The following UGT2A1 variants were observed in gnomAD, a reference collection of about 807,000 sequenced individuals.
UGT2A1 encodes UDP-glucuronosyltransferase 2A1.
In UGT2A1, 61 loss-of-function variants were observed where a neutral mutation model predicts 45.4. The ratio of observed to expected loss-of-function variants is 1.34; its 90% CI spans 1.09 to 1.66. UGT2A1 has a LOEUF of 1.66. Among genes scored for constraint, UGT2A1 ranks in the 40% most tolerant of loss-of-function variants. The pLI is 0.00. For missense variants in UGT2A1, 649 were observed against 574.3 expected, an observed-to-expected ratio of 1.13 and a Z score of -1.33; for synonymous variants, 229 against 196.2, an observed-to-expected ratio of 1.17 and a Z score of -1.40.
chr4:69,630,170 G>A (rs563287001), intron 3 of UGT2A1, among the ~76,000 whole-genome samples: 6 of 152,076 alleles, frequency 3.9e-5, no homozygotes, highest in African/African-American at 1.4e-4. Context: ...CATTCTTGTA[G>A]ACATTTGTCT....
At chr4:69,617,543 A>G (rs1476841913) in intron 3 of UGT2A1, among the ~76,000 whole-genome samples, 1 of 151,924 alleles carries the variant, frequency 6.6e-6, no homozygotes, top group East Asian at 1.9e-4. Flanking sequence ...GCCATTCTCT[A>G]AGCACTAGTT....
chr4:69,606,874 G>A (rs34810925), intron 3 of UGT2A1, among the ~76,000 whole-genome samples: 24,512 of 134,932 alleles, frequency 0.18, 5,829 homozygotes, highest in Non-Finnish European at 0.22. Context: ...AGGGACGTAA[G>A]GACCTCTTCA....
At chr4:69,645,257 C>T (rs1259646919) in intron 2 of UGT2A1, among the ~76,000 whole-genome samples, 1 of 151,712 alleles carries the variant, frequency 6.6e-6, no homozygotes, top group East Asian at 1.9e-4. Flanking sequence ...CTGGATTTCG[C>T]CAAATATTCC....
At chr4:69,622,675 G>A (rs1720820189) in intron 3 of UGT2A1, among the ~76,000 whole-genome samples, 1 of 151,802 alleles carries the variant, frequency 6.6e-6, no homozygotes, top group Middle Eastern at 3.4e-3. Context: ...ATGCATTGAG[G>A]ATTTCATGTG....
At chr4:69,645,101 C>A (rs765961208) in intron 2 of UGT2A1, among the ~76,000 whole-genome samples, 3 of 151,692 alleles carry the variant, frequency 2.0e-5, no homozygotes, top group Non-Finnish European at 4.4e-5. Context: ...CTAGGCCTTA[C>A]AAGCTCTGCT....
In UGT2A1 at chr4:69,647,801, A is replaced by G. The variant is rs1010676255; in HGVS notation, c.-54-103T>C. 4 of 502,818 alleles carry G rather than the reference A, an allele frequency of 8.0e-6. No individual in the cohort carries two copies. In the Admixed American group the frequency reaches 1.2e-4, roughly 15 times the overall value. The allele number at this position is 502,818 out of a possible 1,614,324, so 31.1% of individuals were successfully genotyped here. On this transcript the variant is annotated intron_variant, in intron 1 of 6. Coordinates refer to ENST00000286604, the MANE Select transcript of UGT2A1 (RefSeq NM_001252275.3). ...TCTAGAAAGTGATACTAGTCATAGTAGCTCCATATTTTAGGATATTTACAG... is the reference window on the plus strand; with the variant it reads ...TCTAGAAAGTGATACTAGTCATAGTGGCTCCATATTTTAGGATATTTACAG...
intron 3 of UGT2A1, among the ~76,000 whole-genome samples, chr4:69,617,362 C>A (rs371596980): frequency 2.0e-5 from 3 of 151,744 alleles, no homozygotes; most frequent in African/African-American, 4.8e-5. Context: ...ATTTTGTTGA[C>A]GGCGTAAAAA....
intron 6 of UGT2A1, among the ~76,000 whole-genome samples, chr4:69,590,053 A>G (rs1159363634): frequency 6.6e-6 from 1 of 152,206 alleles, no homozygotes; most frequent in Non-Finnish European, 1.5e-5. Flanking sequence ...GTGTCTGGCT[A>G]GTTCATATGA....
At position 69,647,497 on chromosome 4, in the gene UGT2A1, C is replaced by T; in HGVS notation, c.148G>A (p.Val50Met). Residue 50 changes from valine (V) to methionine (M), a missense_variant, in exon 2 of 7, where the codon GTG becomes ATG. Coordinates refer to ENST00000286604, the MANE Select transcript of UGT2A1 (RefSeq NM_001252275.3). ...GCACCAGAGGCAACTAGGACAGTCA[C>T]ATTATGCTCCTTTTTAATGAGCTCA... The part of the protein sequence containing the change: ...IDELIKKEHN[V>M]TVLVASGALF... 1.2e-6 allele frequency: 2 copies of T among 1,613,032 alleles called. No individual in the cohort carries two copies. Among genetic ancestry groups the T allele is most frequent in the Non-Finnish European group, 1.7e-6 (2 of 1,179,324 alleles).
At position 69,647,131 on chromosome 4, in the gene UGT2A1, T is replaced by A. The variant is rs145023282; in HGVS notation, c.514A>T (p.Arg172Trp). 6.2e-7 allele frequency: 1 copy of A among 1,612,800 alleles called. No homozygotes were observed. Among genetic ancestry groups the A allele is most frequent in the African/African-American group, 1.3e-5 (1 of 74,848 alleles). Residue 172 changes from arginine to tryptophan, a missense_variant, in exon 2 of 7, where the codon AGG becomes TGG. Coordinates refer to ENST00000286604, the MANE Select transcript of UGT2A1 (RefSeq NM_001252275.3). ...KLGIPFMYSL[R>W]FSPASTVEKH... ...TCCACTGTTGAGGCTGGAGAAAACC[T>A]CAAGGAGTACATAAATGGAATTCCA...
intron 1 of UGT2A1, among the ~76,000 whole-genome samples, chr4:69,651,871 G>A (rs1722540146): frequency 6.6e-6 from 1 of 152,080 alleles, no homozygotes; most frequent in African/African-American, 2.4e-5. Flanking sequence ...ATTTCCCAAG[G>A]GTAAGAAGGG....
Position 69,598,631 on chromosome 4 carries a change from C to A in UGT2A1, c.996+615G>T, listed in dbSNP as rs112143931. ...ACACTTTGTACTACCTAAATGATTT[C>A]TAGAAATTACCAAAACTCCTTTTTG... On this transcript the variant is annotated intron_variant, in intron 4 of 6. Transcript: ENST00000286604. 8.5e-3 allele frequency among the ~76,000 whole-genome samples: 1,287 copies of A among 152,152 alleles called. 25 individuals are homozygous for A. Among genetic ancestry groups the A allele is most frequent in the African/African-American group, 0.028 (1,153 of 41,530 alleles).
At chr4:69,630,119 A>G (rs1200065230) in intron 3 of UGT2A1, among the ~76,000 whole-genome samples, 1 of 152,106 alleles carries the variant, frequency 6.6e-6, no homozygotes, top group Non-Finnish European at 1.5e-5. Flanking sequence ...ATTAAAATAT[A>G]TAACTAAAAT....
intron 1 of UGT2A1, among the ~76,000 whole-genome samples, chr4:69,652,569 C>T (rs1388086623): frequency 1.3e-5 from 2 of 151,506 alleles, no homozygotes. Context: ...CCGCGCCTGG[C>T]CATTATTTTC....
chr4:69,635,828 C>CAAAAAATAAAAAAAA lies in UGT2A1; in HGVS notation c.716-7_716-6insTTTTTTTTATTTTTT, dbSNP rs1721658922. On this transcript the variant is annotated splice_region_variant and splice_polypyrimidine_tract_variant and intron_variant, in intron 2 of 6. Coordinates refer to ENST00000286604, the MANE Select transcript of UGT2A1 (RefSeq NM_001252275.3). ...GCAACAGAGTAAGAGTCCACCTCAC[C>CAAAAAATAAAAAAAA]AAAAAAAAAAAAAAAAAAAAAAGAG... 2.0e-5 allele frequency: 1 copy of CAAAAAATAAAAAAAA among 49,134 alleles called. No individual in the cohort carries two copies. The highest frequency in any genetic ancestry group is 3.9e-5 in the Non-Finnish European group (1 of 25,476). The allele number at this position is 49,134 out of a possible 1,614,324, so 3.0% of individuals were successfully genotyped here.
chr4:69,647,422 T>C lies in UGT2A1; in HGVS notation c.223A>G (p.Lys75Glu), dbSNP rs1298022389. The change falls in exon 2 of 7, where the codon AAG (lysine) becomes GAG (glutamate). Residue 75 changes from lysine (K) to glutamate (E), a missense_variant. Coordinates refer to ENST00000286604, the MANE Select transcript of UGT2A1 (RefSeq NM_001252275.3). ...ATTCTTTCTTTGCCAAAGGGCACCT[T>C]ATATATTTCAAATGTCAGAGATGGG... Reference protein sequence around the residue: ...SNPSLTFEIYKVPFGKERIEG... With the variant: ...SNPSLTFEIYEVPFGKERIEG... 2 of 1,612,886 alleles carry C rather than the reference T, an allele frequency of 1.2e-6. No individual in the cohort carries two copies. Among genetic ancestry groups the C allele is most frequent in the East Asian group, 2.2e-5 (1 of 44,858 alleles).
chr4:69,592,427 T>C (rs1258346446), intron 6 of UGT2A1, among the ~76,000 whole-genome samples: 1 of 152,016 alleles, frequency 6.6e-6, no homozygotes, highest in Non-Finnish European at 1.5e-5. Context: ...GTATTGCATA[T>C]AGTCCAAAGA....
At chr4:69,635,647 T>C (rs956770697) in intron 3 of UGT2A1, 44 bp downstream of exon 3, 12 of 207,144 alleles carry the variant, frequency 5.8e-5, no homozygotes, top group Admixed American at 2.4e-4. Flanking sequence ...CTCGCCAACA[T>C]GGTGAAACCT....
intron 3 of UGT2A1, among the ~76,000 whole-genome samples, chr4:69,634,251 CAAACA>C (rs144302533): frequency 7.3e-5 from 11 of 151,464 alleles, no homozygotes; most frequent in East Asian, 1.9e-4. Context: ...TCTCAAAAAT[CAAACA>C]AAACAAAACA....
Sources: gnomAD v4.1 joint callset for allele counts (sites outside exome capture counted in the v4.1 genomes callset) on GRCh38, gnomAD v4.1.1 for gene constraint, MANE v1.5 for transcripts, NCBI Gene and HGNC (gene_info 2026-07-23, HGNC 2026-07-21) for gene names.